Variants in KCNIP4 observed in about 807,000 individuals in gnomAD.
KCNIP4 encodes Kv channel-interacting protein 4.
Under a neutral mutation model 34.0 loss-of-function variants are expected in KCNIP4, and 12 were observed. That is an observed-to-expected ratio of 0.35 (90% CI 0.23 to 0.57). The LOEUF is 0.57. KCNIP4 is among the 20% of genes least tolerant of loss of function. The pLI is 0.83. For missense variants in KCNIP4, 238 were observed against 311.7 expected (o/e 0.76, Z 1.78); for synonymous variants, 124 against 102.2 (o/e 1.21, Z -1.29).
intron 1 of KCNIP4, among the ~76,000 whole-genome samples, chr4:21,626,430 G>A (rs1384182633): frequency 6.6e-6 from 1 of 151,242 alleles, no homozygotes; most frequent in Non-Finnish European, 1.5e-5. Context: ...GAGGTCATGT[G>A]AGCACACAGC....
chr4:20,772,468 C>T (rs1755984034), intron 3 of KCNIP4, among the ~76,000 whole-genome samples: 1 of 152,084 alleles, frequency 6.6e-6, no homozygotes, highest in Non-Finnish European at 1.5e-5. Flanking sequence ...AGCATGAAAA[C>T]TTGAATTGTT....
At position 21,487,806 on chromosome 4, in the gene KCNIP4, G is replaced by A. The variant is rs575593127; in HGVS notation, c.61+460765C>T. The stretch of plus-strand genomic sequence containing the variant: ...AAATTATCCCACCTTTGGTAGTTAG[G>A]AGCTCGTTCACTTGGCTCCTCTGTC... On this transcript the variant is annotated intron_variant, in intron 1 of 8. Coordinates refer to ENST00000382152, the MANE Select transcript of KCNIP4 (RefSeq NM_025221.6). 1.0e-3 allele frequency among the ~76,000 whole-genome samples: 157 copies of A among 152,106 alleles called. 1 individual carries two copies. The Middle Eastern group carries it at 0.02, about 20-fold the overall frequency.
intron 1 of KCNIP4, among the ~76,000 whole-genome samples, chr4:21,725,104 C>G (rs1715097029): frequency 6.6e-6 from 1 of 152,128 alleles, no homozygotes; most frequent in Admixed American, 6.6e-5. Context: ...TTGTTTGACA[C>G]CTCTGCCTTC....
chr4:20,754,323 CAA>C (rs2149350599), intron 4 of KCNIP4, among the ~76,000 whole-genome samples: 2 of 152,236 alleles, frequency 1.3e-5, no homozygotes, highest in Admixed American at 1.3e-4. Context: ...GTAGATAAGA[CAA>C]AGCACTTTCC....
At chr4:21,379,854 G>T (rs1438901913) in intron 1 of KCNIP4, among the ~76,000 whole-genome samples, 1 of 151,956 alleles carries the variant, frequency 6.6e-6, no homozygotes, top group African/African-American at 2.4e-5. Flanking sequence ...TTGTAATTAT[G>T]TATGTCTGCT....
chr4:21,254,741 A>T (rs951103836), intron 1 of KCNIP4, among the ~76,000 whole-genome samples: 5 of 152,156 alleles, frequency 3.3e-5, no homozygotes, highest in Non-Finnish European at 4.4e-5. Context: ...GAGAAGAGGA[A>T]AATGAGTTGC....
At chr4:21,935,039 AGC>A (rs1729778349) in intron 1 of KCNIP4, among the ~76,000 whole-genome samples, 2 of 152,084 alleles carry the variant, frequency 1.3e-5, no homozygotes, top group South Asian at 2.1e-4. Flanking sequence ...CATCACCATA[AGC>A]AAAGGCCTTC....
chr4:21,229,446 G>C (rs1758639567), intron 1 of KCNIP4, among the ~76,000 whole-genome samples: 1 of 152,086 alleles, frequency 6.6e-6, no homozygotes, highest in Non-Finnish European at 1.5e-5. Flanking sequence ...CTTACTCTCT[G>C]TAAGTGTCTC....
chr4:21,629,738 C>T (rs1745585580), intron 1 of KCNIP4, among the ~76,000 whole-genome samples: 1 of 151,816 alleles, frequency 6.6e-6, no homozygotes, highest in African/African-American at 2.4e-5. Context: ...ATCAAGAGAA[C>T]AACATACCTG....
At chr4:21,247,657 A>G (rs1019154880) in intron 1 of KCNIP4, among the ~76,000 whole-genome samples, 2 of 142,088 alleles carry the variant, frequency 1.4e-5, no homozygotes, top group Non-Finnish European at 3.0e-5. Context: ...TTATATCTAT[A>G]TATTTAGATA....
chr4:20,972,547 T>C (rs981029188), intron 1 of KCNIP4, among the ~76,000 whole-genome samples: 8 of 152,154 alleles, frequency 5.3e-5, no homozygotes, highest in Non-Finnish European at 1.2e-4. Flanking sequence ...GTCTCAAGGG[T>C]GGGTTTAAAA....
intron 1 of KCNIP4, among the ~76,000 whole-genome samples, chr4:20,915,235 T>C (rs73805223): frequency 0.024 from 3,649 of 152,312 alleles, 129 homozygotes; most frequent in African/African-American, 0.075. Flanking sequence ...CTTCTTGTCC[T>C]ATATGCCAGC....
chr4:21,927,863 A>G (rs1729350857), intron 1 of KCNIP4, among the ~76,000 whole-genome samples: 1 of 151,990 alleles, frequency 6.6e-6, no homozygotes, highest in African/African-American at 2.4e-5. Context: ...CAGTCCCTGT[A>G]TTTGTGGAAT....
At chr4:20,941,749 A>G (rs1311044043) in intron 1 of KCNIP4, among the ~76,000 whole-genome samples, 5 of 152,236 alleles carry the variant, frequency 3.3e-5, no homozygotes, top group Admixed American at 2.0e-4. Context: ...CAAAACAGAC[A>G]TGAATATATC....
intron 1 of KCNIP4, among the ~76,000 whole-genome samples, chr4:21,048,319 G>A (rs1742614841): frequency 6.6e-6 from 1 of 152,098 alleles, no homozygotes; most frequent in African/African-American, 2.4e-5. Flanking sequence ...AAGATGACAA[G>A]AAGAGATGGA....
chr4:21,299,004 C>A (rs971044121), intron 1 of KCNIP4, among the ~76,000 whole-genome samples: 6 of 152,044 alleles, frequency 3.9e-5, no homozygotes, highest in Non-Finnish European at 8.8e-5. Flanking sequence ...AGTTTTATGA[C>A]TTACTAGCTG....
chr4:21,822,077 C>T (rs1722386505), intron 1 of KCNIP4, among the ~76,000 whole-genome samples: 1 of 152,162 alleles, frequency 6.6e-6, no homozygotes, highest in South Asian at 2.1e-4. Context: ...ATAAAGTAAT[C>T]ATTGCCTCTG....
chr4:20,733,054 G>C (rs1243158005), intron 6 of KCNIP4, among the ~76,000 whole-genome samples: 1 of 152,166 alleles, frequency 6.6e-6, no homozygotes, highest in African/African-American at 2.4e-5. Context: ...GTCAGGAAAA[G>C]AATATGCTGG....
intron 1 of KCNIP4, among the ~76,000 whole-genome samples, chr4:20,886,377 T>C (rs1382343593): frequency 6.6e-6 from 1 of 152,192 alleles, no homozygotes; most frequent in Non-Finnish European, 1.5e-5. Flanking sequence ...GCTCCTGAAG[T>C]GGCTGGAATT....
Sources: allele counts gnomAD v4.1 joint callset (sites outside exome capture counted in the v4.1 genomes callset), GRCh38; gene constraint gnomAD v4.1.1; transcripts MANE v1.5; gene names NCBI Gene and HGNC (gene_info 2026-07-23, HGNC 2026-07-21).